Variants in FARS2 observed in about 807,000 individuals in gnomAD.
FARS2 encodes the protein phenylalanyl-tRNA synthetase 2, mitochondrial, also known as phenylalanine--tRNA ligase, mitochondrial.
FARS2 carries 40 observed loss-of-function variants against 46.4 expected under a neutral mutation model. That is an observed-to-expected ratio of 0.86 (90% CI 0.67 to 1.12). FARS2 has a LOEUF of 1.12. FARS2 is among the 50% of genes most tolerant of loss of function. The probability of loss-of-function intolerance (pLI) is 0.00; values close to 1 mark genes in which losing one functional copy is unlikely to be tolerated. For missense variants in FARS2, 513 were observed against 567.9 expected (o/e 0.90, Z 0.98); for synonymous variants, 234 against 214.9 (o/e 1.09, Z -0.78).
chr6:5,635,696 T>G (rs1776513343), intron 6 of FARS2, among the ~76,000 whole-genome samples: 1 of 152,158 alleles, frequency 6.6e-6, no homozygotes, highest in African/African-American at 2.4e-5. Flanking sequence ...TGGCGTTGGA[T>G]GAGACGTGCA....
chr6:5,763,766 TG>T (rs11306790), intron 6 of FARS2, among the ~76,000 whole-genome samples: 90,191 of 141,618 alleles, frequency 0.64, 30,076 homozygotes, highest in Middle Eastern at 0.75. Context: ...TCTTCCCTTT[TG>T]GTTTTTTTTT....
chr6:5,341,214 TATATATATATATATATATATA>T (rs1410979820), intron 1 of FARS2, among the ~76,000 whole-genome samples: 1,733 of 9,034 alleles, frequency 0.19, 60 homozygotes, highest in East Asian at 0.27. Context: ...TATATATATA[TATATATATATATATATATATA>T]TTTTTTTTTT....
intron 6 of FARS2, among the ~76,000 whole-genome samples, chr6:5,650,499 T>G: frequency 6.6e-6 from 1 of 152,100 alleles, no homozygotes; most frequent in East Asian, 1.9e-4. Context: ...TTTGGTGACT[T>G]TGTAAAGACA....
At chr6:5,267,532 C>A (rs938472194) in intron 1 of FARS2, among the ~76,000 whole-genome samples, 6 of 151,918 alleles carry the variant, frequency 3.9e-5, no homozygotes, top group South Asian at 2.1e-4. Flanking sequence ...AGGTGAATCA[C>A]GAGGTCAGGA....
chr6:5,576,831 A>G (rs966385432), intron 5 of FARS2, among the ~76,000 whole-genome samples: 3 of 151,766 alleles, frequency 2.0e-5, no homozygotes, highest in African/African-American at 7.3e-5. Flanking sequence ...ATTCCTTACT[A>G]TCATTTTTTT....
At chr6:5,579,551 G>A (rs138350029) in intron 5 of FARS2, among the ~76,000 whole-genome samples, 1 of 152,332 alleles carries the variant, frequency 6.6e-6, no homozygotes, top group Non-Finnish European at 1.5e-5. Context: ...TGGGATTATA[G>A]GCGTGAGCCA....
intron 2 of FARS2, chr6:5,371,170 A>G (rs1194210180): frequency 1.0e-6 from 1 of 984,656 alleles, no homozygotes; most frequent in East Asian, 1.1e-4. Context: ...TGGTTCCAAG[A>G]ATGCTATGGA....
intron 6 of FARS2, among the ~76,000 whole-genome samples, chr6:5,732,909 G>T (rs1760726423): frequency 6.6e-6 from 1 of 151,480 alleles, no homozygotes; most frequent in Non-Finnish European, 1.5e-5. Flanking sequence ...CTTCCTTCAT[G>T]CCACATACTG....
chr6:5,465,403 G>C (rs1483855915), intron 4 of FARS2, among the ~76,000 whole-genome samples: 1 of 152,198 alleles, frequency 6.6e-6, no homozygotes, highest in Admixed American at 6.5e-5. Flanking sequence ...CTAGTTTAAA[G>C]TTAACTTAGT....
At chr6:5,251,392 G>A in the FARS2 span, among the ~76,000 whole-genome samples, 13 of 152,232 alleles carry the variant, frequency 8.5e-5, no homozygotes, top group South Asian at 2.7e-3. Flanking sequence ...AGGTTTAATT[G>A]GCTCACAGTT....
At position 5,430,938 on chromosome 6, in the gene FARS2, A is replaced by C. The variant is rs1763124495; in HGVS notation, c.773-103A>C. The C allele has an allele frequency of 2.7e-6, 3 of 1,120,812 alleles. No homozygotes were observed. The East Asian group carries it at 7.2e-5, about 27-fold the overall frequency. The allele number at this position is 1,120,812 out of a possible 1,614,324, so 69.4% of individuals were successfully genotyped here. A position where few individuals can be genotyped will look rare whatever the true frequency, so the allele number is the denominator to read the frequency against. On this transcript the variant is annotated intron_variant, in intron 3 of 6. Transcript: ENST00000274680. ...AGTTTATTTGCTATTTATTTTACTC[A>C]GAATGTAGTAATTGGTGTCATTAGT...
At chr6:5,355,198 A>G (rs1018895558) in intron 1 of FARS2, among the ~76,000 whole-genome samples, 9 of 152,036 alleles carry the variant, frequency 5.9e-5, no homozygotes, top group African/African-American at 1.4e-4. Context: ...TCTCTGTGTG[A>G]TTCTTCCACC....
intron 5 of FARS2, among the ~76,000 whole-genome samples, chr6:5,577,880 C>T (rs957694689): frequency 6.6e-6 from 1 of 152,092 alleles, no homozygotes; most frequent in African/African-American, 2.4e-5. Flanking sequence ...CAGCACACTG[C>T]AAGCTCTGCC....
chr6:5,740,922 C>G lies in FARS2; in HGVS notation c.1218-30369C>G, dbSNP rs77608839. On this transcript the variant is annotated intron_variant, in intron 6 of 6. Coordinates refer to ENST00000274680, the MANE Select transcript of FARS2 (RefSeq NM_006567.5). ...CATGGCCTGTTCTCCTTACCAGGAG[C>G]CTTATTGAGGCAGAATATGCATGAC... Among the ~76,000 whole-genome samples the G allele has an allele frequency of 6.6e-5, 10 of 152,274 alleles. No homozygotes were observed. The East Asian group carries it at 1.9e-3, about 29-fold the overall frequency.
At chr6:5,340,502 A>G (rs1031917574) in intron 1 of FARS2, among the ~76,000 whole-genome samples, 2 of 152,220 alleles carry the variant, frequency 1.3e-5, no homozygotes, top group Non-Finnish European at 2.9e-5. Flanking sequence ...TCATGTAAAT[A>G]CACGAGCCCG....
intron 4 of FARS2, among the ~76,000 whole-genome samples, chr6:5,504,065 G>T (rs935236990): frequency 6.6e-6 from 1 of 152,144 alleles, no homozygotes; most frequent in East Asian, 1.9e-4. Flanking sequence ...AGATATTGCC[G>T]TATTTCCTCA....
chr6:5,264,921 G>C (rs1479103774), intron 1 of FARS2, among the ~76,000 whole-genome samples: 1 of 151,530 alleles, frequency 6.6e-6, no homozygotes, highest in African/African-American at 2.4e-5. Flanking sequence ...AGCCTCCTGA[G>C]TAGCTAGGCC....
At chr6:5,474,749 C>T (rs1766022662) in intron 4 of FARS2, among the ~76,000 whole-genome samples, 1 of 150,532 alleles carries the variant, frequency 6.6e-6, no homozygotes, top group Admixed American at 6.6e-5. Flanking sequence ...CAACCTCTTC[C>T]TCCTGGATTA....
At chr6:5,529,463 A>G (rs1769683918) in intron 4 of FARS2, among the ~76,000 whole-genome samples, 1 of 152,064 alleles carries the variant, frequency 6.6e-6, no homozygotes, top group Non-Finnish European at 1.5e-5. Flanking sequence ...GCCTGCCACC[A>G]CACCCAGCTA....
Sources: gnomAD v4.1 joint callset for allele counts (sites outside exome capture counted in the v4.1 genomes callset) on GRCh38, gnomAD v4.1.1 for gene constraint, MANE v1.5 for transcripts, NCBI Gene and HGNC (gene_info 2026-07-23, HGNC 2026-07-21) for gene names.